Variants in ZNF484 observed in about 807,000 individuals in gnomAD.
The protein encoded by ZNF484 is KRAB box containing C2H2 type zinc finger bA526D8.4.
A neutral mutation model predicts 12.9 loss-of-function variants in ZNF484; 11 were observed. The observed-to-expected ratio is 0.85, with a 90% CI of 0.54 to 1.41. The LOEUF (loss-of-function observed/expected upper bound fraction) is 1.41. ZNF484 is among the 40% of genes most tolerant of loss of function. ZNF484 has a pLI of 0.00. For missense variants in ZNF484, 807 were observed against 1,007.7 expected (o/e 0.80, Z 2.70); for synonymous variants, 289 against 334.1 (o/e 0.86, Z 1.47).
chr9:92,857,451 T>C (rs1856532707), intron 2 of ZNF484, among the ~76,000 whole-genome samples: 1 of 152,146 alleles, frequency 6.6e-6, no homozygotes, highest in African/African-American at 2.4e-5. Context: ...CTCAGGATAT[T>C]TGCTGAATTC....
chr9:92,871,524 A>G (rs1857433908), intron 2 of ZNF484, among the ~76,000 whole-genome samples: 1 of 152,224 alleles, frequency 6.6e-6, no homozygotes. Flanking sequence ...ATTTGAAGAA[A>G]TAATGAATGA....
chr9:92,867,510 C>T (rs1448183131), intron 2 of ZNF484, among the ~76,000 whole-genome samples: 1 of 151,942 alleles, frequency 6.6e-6, no homozygotes, highest in Admixed American at 6.6e-5. Flanking sequence ...AAAACAACAA[C>T]AACAAAAAAA....
In ZNF484 at chr9:92,847,432, T is replaced by A. The variant is rs751659855; in HGVS notation, c.1355A>T (p.Lys452Ile). 1 of 1,613,640 alleles carries A rather than the reference T, an allele frequency of 6.2e-7. No individual in the cohort carries two copies. Among genetic ancestry groups the A allele is most frequent in the African/African-American group, 1.3e-5 (1 of 74,898 alleles). The stretch of plus-strand genomic sequence containing the variant: ...TCGCTGATGCACATGGAGTTGTGAT[T>A]TTTTAATAAAGGATTTCCCACAGTC... ...CSDCGKSFIKKSQLHVHQRIH... is the reference protein window; with the variant it reads ...CSDCGKSFIKISQLHVHQRIH... Residue 452 changes from lysine (K) to isoleucine (I), a missense_variant, in exon 5 of 5, where the codon AAA becomes ATA. Lys to Ile is a moderately radical substitution (Grantham distance 102). Coordinates refer to ENST00000375495, the MANE Select transcript of ZNF484 (RefSeq NM_031486.4).
intron 2 of ZNF484, among the ~76,000 whole-genome samples, chr9:92,861,767 A>G (rs964568991): frequency 6.6e-6 from 1 of 152,224 alleles, no homozygotes; most frequent in African/African-American, 2.4e-5. Flanking sequence ...GACTGGAAAA[A>G]GATATGAAGA....
At chr9:92,855,940 G>T in intron 3 of ZNF484, 37 bp from the exon 4 acceptor site, 1 of 1,603,940 alleles carries the variant, frequency 6.2e-7, no homozygotes, top group Non-Finnish European at 8.5e-7. Context: ...TGATTTCAGA[G>T]GCCATACAAT....
chr9:92,846,481 A>C lies in ZNF484; in HGVS notation c.2306T>G (p.Ile769Ser). ...TATATATGGTTTCTCTCCTGTGTGA[A>C]TTCGATGATGCTCATGGAGTTGTGA... Reference protein sequence around the residue: ...KKSQLHEHHRIHTGEKPYICA... With the variant: ...KKSQLHEHHRSHTGEKPYICA... The change falls in exon 5 of 5, where the codon ATT becomes AGT. Residue 769 changes from isoleucine to serine, a missense_variant. Coordinates refer to ENST00000375495, the MANE Select transcript of ZNF484 (RefSeq NM_031486.4). 1.2e-6 allele frequency: 2 copies of C among 1,614,136 alleles called. No homozygotes were observed. The highest frequency in any genetic ancestry group is 1.7e-6 in the Non-Finnish European group (2 of 1,180,016).
intron 2 of ZNF484, among the ~76,000 whole-genome samples, chr9:92,870,420 G>C (rs7024349): frequency 0.17 from 26,100 of 152,166 alleles, 2,803 homozygotes; most frequent in East Asian, 0.5. Flanking sequence ...CTGTGGGCTT[G>C]ATTCATCTCT....
Position 92,846,692 on chromosome 9 carries a change from T to A in ZNF484, c.2095A>T (p.Lys699Ter), listed in dbSNP as rs1855630335. ...ERHYECSECG[K>*]AFARKSTLIM... ...AGTGTTGATTTTCTTGCAAAGGCTT[T>A]CCCACATTCACTGCACTCATAATGC... The change falls in exon 5 of 5, where the codon AAA (lysine) becomes TAA (stop). Residue 699 changes from lysine to a stop codon, truncating the protein, a stop_gained. Transcript: ENST00000375495. LOFTEE classifies it low-confidence loss of function (END_TRUNC). 6.2e-7 allele frequency: 1 copy of A among 1,614,142 alleles called. No individual in the cohort carries two copies. Among genetic ancestry groups the A allele is most frequent in the African/African-American group, 1.3e-5 (1 of 75,054 alleles).
intron 4 of ZNF484, among the ~76,000 whole-genome samples, chr9:92,849,838 G>T (rs1023485729): frequency 1.1e-4 from 16 of 150,930 alleles, no homozygotes; most frequent in African/African-American, 3.4e-4. Context: ...GTCTCACTCT[G>T]TTGCTCAGGC....
chr9:92,846,380 G>A lies in ZNF484; in HGVS notation c.2407C>T (p.Pro803Ser). The A allele has an allele frequency of 6.2e-7, 1 of 1,614,068 alleles. No individual in the cohort carries two copies. The highest frequency in any genetic ancestry group is 8.5e-7 in the Non-Finnish European group (1 of 1,179,978). ...TTCCCCAAGTCACTGCACTTATAGG[G>A]TTTCTGTTTAGTATGAATTTTCTGG... ...KHQKIHTKQK[P>S]YKCSDLGKAL... The change falls in exon 5 of 5, where the codon CCC (proline) becomes TCC (serine). Residue 803 changes from proline to serine, a missense_variant. By Grantham distance (74) the Pro-to-Ser change is moderately conservative. Coordinates refer to ENST00000375495, the MANE Select transcript of ZNF484 (RefSeq NM_031486.4).
intron 4 of ZNF484, among the ~76,000 whole-genome samples, chr9:92,849,540 C>T (rs1267113662): frequency 2.0e-5 from 3 of 152,008 alleles, no homozygotes; most frequent in Non-Finnish European, 4.4e-5. Context: ...AATCCCAGCA[C>T]TGTGGGAGGC....
At chr9:92,861,579 C>A (rs1359049941) in intron 2 of ZNF484, among the ~76,000 whole-genome samples, 1 of 152,128 alleles carries the variant, frequency 6.6e-6, no homozygotes, top group African/African-American at 2.4e-5. Flanking sequence ...ACCTCAGTTA[C>A]CTGTAAGATA....
chr9:92,851,539 C>T (rs186265818), intron 4 of ZNF484, among the ~76,000 whole-genome samples: 35 of 152,196 alleles, frequency 2.3e-4, no homozygotes, highest in Admixed American at 7.2e-4. Flanking sequence ...TACTTTTGTG[C>T]CTTTACAAAA....
intron 2 of ZNF484, among the ~76,000 whole-genome samples, chr9:92,871,104 C>T (rs994308860): frequency 1.3e-5 from 2 of 151,966 alleles, no homozygotes; most frequent in African/African-American, 2.4e-5. Context: ...ACCAATCAAC[C>T]GATACTAAAA....
chr9:92,866,671 A>G (rs1323412309), intron 2 of ZNF484, among the ~76,000 whole-genome samples: 3 of 151,854 alleles, frequency 2.0e-5, no homozygotes, highest in Non-Finnish European at 1.5e-5. Flanking sequence ...AAATCATTCT[A>G]CTATAAAGAC....
intron 2 of ZNF484, among the ~76,000 whole-genome samples, chr9:92,856,793 C>T (rs979095242): frequency 5.9e-5 from 9 of 152,244 alleles, no homozygotes; most frequent in Non-Finnish European, 8.8e-5. Flanking sequence ...TCGATCTCCA[C>T]TCACCGCAAG....
chr9:92,867,295 A>G (rs1857155882), intron 2 of ZNF484, among the ~76,000 whole-genome samples: 1 of 152,110 alleles, frequency 6.6e-6, no homozygotes, highest in Non-Finnish European at 1.5e-5. Context: ...TGGCTAACAC[A>G]GTGAAACCCC....
rs778937901 is a variant in ZNF484, at chr9:92,848,366, A to G, written c.421T>C (p.Phe141Leu). The change falls in exon 5 of 5, where the codon TTC (phenylalanine) becomes CTC (leucine). Residue 141 changes from phenylalanine (F) to leucine (L), a missense_variant. Coordinates refer to ENST00000375495, the MANE Select transcript of ZNF484 (RefSeq NM_031486.4). This position sits in a 1 kb window ranked among gnomAD's most constrained non-coding sequence, Gnocchi z 4.1. The part of the protein sequence containing the change: ...NQNKPLSRVV[F>L]INKKTLANDS... ...TTAGCTAGTGTTTTCTTGTTAATGAAGACAACACGACTTAAAGGTTTGTTC... is the reference window on the plus strand; with the variant it reads ...TTAGCTAGTGTTTTCTTGTTAATGAGGACAACACGACTTAAAGGTTTGTTC... The G allele has an allele frequency of 5.6e-6, 9 of 1,614,140 alleles. No homozygotes were observed. The South Asian group carries it at 8.8e-5, about 16-fold the overall frequency.
intron 2 of ZNF484, among the ~76,000 whole-genome samples, chr9:92,874,501 G>A (rs1425586030): frequency 1.3e-5 from 2 of 151,832 alleles, no homozygotes; most frequent in Admixed American, 1.3e-4. Flanking sequence ...TAGTGCAGAC[G>A]GGGTTTCACC....
Sources: gnomAD v4.1 joint callset for allele counts (sites outside exome capture counted in the v4.1 genomes callset) on GRCh38, gnomAD v4.1.1 for gene constraint, Gnocchi (gnomAD v3.1) non-coding constraint, MANE v1.5 for transcripts, NCBI Gene and HGNC (gene_info 2026-07-23, HGNC 2026-07-21) for gene names.